The following RGS5 variants were observed in gnomAD, a reference collection of about 807,000 sequenced individuals.
The protein encoded by RGS5 is regulator of G-protein signalling 5.
RGS5 carries 20 observed loss-of-function variants against 18.9 expected under a neutral mutation model. That is an observed-to-expected ratio of 1.06 (90% CI 0.74 to 1.54). The LOEUF (loss-of-function observed/expected upper bound fraction) is 1.54, where lower values mean the gene tolerates loss of function less well. Ranked by LOEUF, RGS5 falls within the 40% of genes most tolerant of loss-of-function variation. The probability of loss-of-function intolerance (pLI) is 0.00; values close to 1 mark genes in which losing one functional copy is unlikely to be tolerated. For synonymous variants in RGS5, 57 were observed against 76.2 expected (o/e 0.75, Z 1.31); for missense variants, 201 against 211.8 (o/e 0.95, Z 0.32).
chr1:163,182,677 A>G (rs1658903759), intron 1 of RGS5, among the ~76,000 whole-genome samples: 1 of 152,174 alleles, frequency 6.6e-6, no homozygotes, highest in African/African-American at 2.4e-5. Context: ...TTTGGAAGCC[A>G]GATAATGAAT....
chr1:163,285,527 T>C (rs901925316), intron 2 of RGS5, among the ~76,000 whole-genome samples: 2 of 151,924 alleles, frequency 1.3e-5, no homozygotes, highest in East Asian at 1.9e-4. Context: ...AGCAAGGCTC[T>C]GTCTCAAAAC....
At chr1:163,273,729 GTTTC>G (rs1331897477) in intron 2 of RGS5, among the ~76,000 whole-genome samples, 1 of 151,950 alleles carries the variant, frequency 6.6e-6, no homozygotes, top group African/African-American at 2.4e-5. Context: ...ACACTTTCTT[GTTTC>G]TTTCTATCTG....
At chr1:163,191,790 G>C (rs1481317156) in intron 1 of RGS5, among the ~76,000 whole-genome samples, 1 of 152,150 alleles carries the variant, frequency 6.6e-6, no homozygotes, top group East Asian at 1.9e-4. Flanking sequence ...TGGCCTCCTG[G>C]ATAAGGGTTG....
chr1:163,286,083 G>A (rs12118956), intron 2 of RGS5, among the ~76,000 whole-genome samples: 10,169 of 151,380 alleles, frequency 0.067, 360 homozygotes, highest in South Asian at 0.093. Flanking sequence ...TGTGTTCCGC[G>A]TCTGGGGATT....
intron 1 of RGS5, among the ~76,000 whole-genome samples, chr1:163,187,518 T>C (rs924995571): frequency 6.6e-6 from 1 of 152,086 alleles, no homozygotes; most frequent in African/African-American, 2.4e-5. Context: ...CCCACCTTTG[T>C]GATTGTGGGT....
At chr1:163,198,810 T>TTTTATTTATTTATTTA (rs1481539539) in intron 1 of RGS5, among the ~76,000 whole-genome samples, 39 of 152,016 alleles carry the variant, frequency 2.6e-4, no homozygotes, top group Non-Finnish European at 5.9e-5. Flanking sequence ...TTTGTGGTGT[T>TTTTATTTATTTATTTA]TTTATTTATT....
intron 4 of RGS5, among the ~76,000 whole-genome samples, chr1:163,150,437 G>A (rs1174418767): frequency 6.6e-6 from 1 of 152,148 alleles, no homozygotes. Context: ...CAAGTTGATA[G>A]GAAGGTAAGT....
chr1:163,257,039 T>C (rs1405906722), intron 2 of RGS5, among the ~76,000 whole-genome samples: 4 of 152,206 alleles, frequency 2.6e-5, no homozygotes, highest in Non-Finnish European at 4.4e-5. Flanking sequence ...CATATATTTT[T>C]TGAGGTTTTA....
At chr1:163,312,538 C>T (rs555197191) in intron 1 of RGS5, among the ~76,000 whole-genome samples, 3 of 152,218 alleles carry the variant, frequency 2.0e-5, no homozygotes, top group South Asian at 4.1e-4. Context: ...AGGAGCAAGG[C>T]GCACAGGGTA....
At chr1:163,222,508 G>A (rs913694154), upstream of RGS5, among the ~76,000 whole-genome samples, 13 of 152,122 alleles carry the variant, frequency 8.5e-5, no homozygotes, top group Non-Finnish European at 1.8e-4. Flanking sequence ...GTGGACCAAA[G>A]TGGTGATTGG....
chr1:163,292,470 C>G (rs1348878690), intron 2 of RGS5, among the ~76,000 whole-genome samples: 1 of 152,158 alleles, frequency 6.6e-6, no homozygotes, highest in Non-Finnish European at 1.5e-5. Context: ...AATAGTGATG[C>G]AATGAACACA....
At chr1:163,294,510 C>A (rs1649375419) in intron 2 of RGS5, among the ~76,000 whole-genome samples, 2 of 152,210 alleles carry the variant, frequency 1.3e-5, no homozygotes, top group Non-Finnish European at 2.9e-5. Context: ...TGGGCCTGGC[C>A]CATGAAACCA....
chr1:163,192,999 C>T (rs1050006192), intron 1 of RGS5, among the ~76,000 whole-genome samples: 2 of 152,168 alleles, frequency 1.3e-5, no homozygotes, highest in Non-Finnish European at 2.9e-5. Flanking sequence ...AACAGATGTT[C>T]GGCACAAGAA....
At chr1:163,217,707 C>A, upstream of RGS5, 1 of 1,367,802 alleles carries the variant, frequency 7.3e-7, no homozygotes, top group South Asian at 1.7e-5. Context: ...AACTTGGAAC[C>A]TTGATGACAT....
rs752799798 is a variant in RGS5 at position 163,147,522 on chromosome 1, G to T, written c.385-19C>A. ...TATTCACCTGTGGGCCAGGAAACAG[G>T]GTCACTACATAAGCCTAAGTTATAG... On this transcript the variant is annotated intron_variant, in intron 4 of 4. Coordinates refer to ENST00000313961, the MANE Select transcript of RGS5 (RefSeq NM_003617.4). 1 of 1,556,716 alleles carries T rather than the reference G, an allele frequency of 6.4e-7. No homozygotes were observed. Among genetic ancestry groups the T allele is most frequent in the African/African-American group, 1.4e-5 (1 of 71,898 alleles).
intron 4 of RGS5, 147 bp from the exon 5 acceptor site, chr1:163,147,650 G>T: frequency 1.4e-6 from 1 of 734,626 alleles, no homozygotes. Context: ...TCACTTTATA[G>T]GCGATGGGAT....
intron 2 of RGS5, chr1:163,244,547 AAAC>A (rs200800382): frequency 5.3e-5 from 8 of 152,234 alleles, no homozygotes; most frequent in Non-Finnish European, 8.8e-5. Context: ...AGATGTTAAA[AAAC>A]AACATTAGCA....
intron 1 of RGS5, among the ~76,000 whole-genome samples, chr1:163,193,115 C>T (rs572789771): frequency 1.8e-3 from 277 of 152,256 alleles, no homozygotes; most frequent in Non-Finnish European, 3.5e-3. Flanking sequence ...TACTTTATTT[C>T]GTGTTGCTTT....
intron 4 of RGS5, among the ~76,000 whole-genome samples, chr1:163,148,738 C>G (rs1280377508): frequency 6.6e-6 from 1 of 152,174 alleles, no homozygotes; most frequent in African/African-American, 2.4e-5. Context: ...AATGGTTCCT[C>G]TGGAGTTGTA....
Sources: gnomAD v4.1 joint callset for allele counts (sites outside exome capture counted in the v4.1 genomes callset) on GRCh38, gnomAD v4.1.1 for gene constraint, MANE v1.5 for transcripts, NCBI Gene and HGNC (gene_info 2026-07-23, HGNC 2026-07-21) for gene names.